Variants in KLF12 observed in about 807,000 individuals in gnomAD.
The protein encoded by KLF12 is Krueppel-like factor 12.
Under a neutral mutation model 37.8 loss-of-function variants are expected in KLF12, and 9 were observed. That is an observed-to-expected ratio of 0.24 (90% CI 0.14 to 0.42). The LOEUF (loss-of-function observed/expected upper bound fraction) is 0.42. KLF12 is among the 10% of genes least tolerant of loss of function. The pLI, the probability that KLF12 is intolerant of heterozygous loss-of-function variation, is 1.00. For synonymous variants in KLF12, 208 were observed against 202.1 expected (o/e 1.03, Z -0.25); for missense variants, 411 against 516.0 (o/e 0.80, Z 1.97).
At chr13:74,048,375 A>G (rs969092439) in intron 1 of KLF12, among the ~76,000 whole-genome samples, 32 of 152,262 alleles carry the variant, frequency 2.1e-4, no homozygotes, top group African/African-American at 6.3e-4. Flanking sequence ...TTCCAATAAG[A>G]CAACTATCAC....
At chr13:73,738,124 T>TATACAC (rs1305200790) in intron 6 of KLF12, among the ~76,000 whole-genome samples, 3 of 81,932 alleles carry the variant, frequency 3.7e-5, no homozygotes, top group African/African-American at 7.8e-5. Context: ...TATATATATA[T>TATACAC]ACACACACAC....
chr13:73,691,858 T>C lies in KLF12; in HGVS notation c.*3632A>G, dbSNP rs2137526248. On this transcript the variant is annotated 3_prime_UTR_variant, in exon 8 of 8. Coordinates refer to ENST00000377669, the MANE Select transcript of KLF12 (RefSeq NM_007249.5). The stretch of plus-strand genomic sequence containing the variant: ...AAAGTTAAAAAGAATTGTATAAAAA[T>C]GAACACAATCTTTGCATAAGCTATT... 6.5e-6 allele frequency: 1 copy of C among 152,694 alleles called. No individual in the cohort carries two copies. Among genetic ancestry groups the C allele is most frequent in the East Asian group, 1.9e-4 (1 of 5,174 alleles). 9.5% of individuals were successfully genotyped at this position (152,694 alleles called of 1,614,324 possible).
chr13:73,705,749 A>G (rs1874886010), intron 7 of KLF12, among the ~76,000 whole-genome samples: 2 of 152,218 alleles, frequency 1.3e-5, no homozygotes, highest in Non-Finnish European at 2.9e-5. Context: ...AAGTAGAAAG[A>G]CTGAAGATAT....
chr13:74,201,638 C>T, the KLF12 span, among the ~76,000 whole-genome samples: 1 of 152,122 alleles, frequency 6.6e-6, no homozygotes, highest in African/African-American at 2.4e-5. Context: ...GAACCTGCCT[C>T]TCATTCTACT....
At chr13:73,767,912 C>G (rs544323641) in intron 5 of KLF12, among the ~76,000 whole-genome samples, 1 of 152,310 alleles carries the variant, frequency 6.6e-6, no homozygotes, top group African/African-American at 2.4e-5. Context: ...GTGGCACCCC[C>G]TGGTGACTGG....
the KLF12 span, among the ~76,000 whole-genome samples, chr13:74,175,642 G>A: frequency 6.6e-6 from 1 of 152,176 alleles, no homozygotes; most frequent in Non-Finnish European, 1.5e-5. Context: ...TCCACTGGGA[G>A]GTGCATATCT....
At chr13:73,753,212 A>C (rs1260976390) in intron 6 of KLF12, among the ~76,000 whole-genome samples, 1 of 151,848 alleles carries the variant, frequency 6.6e-6, no homozygotes, top group African/African-American at 2.4e-5. Flanking sequence ...CTCTGAGCTG[A>C]GGTTGTTTCA....
At chr13:73,834,821 T>A (rs563068656) in intron 4 of KLF12, among the ~76,000 whole-genome samples, 37 of 152,324 alleles carry the variant, frequency 2.4e-4, no homozygotes, top group Middle Eastern at 6.8e-3. Context: ...CCATTTTAAT[T>A]TTATTTTCTC....
At chr13:73,709,094 C>T (rs1484580837) in intron 7 of KLF12, among the ~76,000 whole-genome samples, 1 of 152,132 alleles carries the variant, frequency 6.6e-6, no homozygotes, top group Non-Finnish European at 1.5e-5. Flanking sequence ...CTAAACTGTA[C>T]ACTCATGAAA....
rs548500655 is a variant in KLF12, at chr13:73,806,535, G to C, written c.806+6617C>G. 4.0e-5 allele frequency among the ~76,000 whole-genome samples: 6 copies of C among 151,408 alleles called. No homozygotes were observed. The East Asian group carries it at 7.8e-4, about 20-fold the overall frequency. ...TGCACCACAGCACCCAGCTGCTTTA[G>C]AGATTTTAAAGCCACAACATGAAAA... On this transcript the variant is annotated intron_variant, in intron 5 of 7. Transcript: ENST00000377669.
At chr13:73,907,636 T>A (rs1888365365) in intron 3 of KLF12, among the ~76,000 whole-genome samples, 1 of 152,214 alleles carries the variant, frequency 6.6e-6, no homozygotes, top group Non-Finnish European at 1.5e-5. Flanking sequence ...CCCAGAGTAG[T>A]TAAGTAACTT....
chr13:73,904,016 G>A (rs1275795093), intron 3 of KLF12, among the ~76,000 whole-genome samples: 1 of 152,166 alleles, frequency 6.6e-6, no homozygotes, highest in African/African-American at 2.4e-5. Context: ...TGCTGCACTA[G>A]TGAACATGAG....
chr13:74,140,046 TTAGAATTTTCC>T, the KLF12 span, among the ~76,000 whole-genome samples: 12 of 152,188 alleles, frequency 7.9e-5, no homozygotes, highest in Admixed American at 7.9e-4. Context: ...GCACGTAACA[TTAGAATTTTCC>T]CAAATTTTTG....
At chr13:74,230,957 C>T in the KLF12 span, among the ~76,000 whole-genome samples, 1 of 152,080 alleles carries the variant, frequency 6.6e-6, no homozygotes, top group Admixed American at 6.5e-5. Context: ...GTGTTAAATC[C>T]AAAGCTTAGT....
At chr13:74,018,116 C>A (rs1451142200) in intron 1 of KLF12, among the ~76,000 whole-genome samples, 1 of 149,898 alleles carries the variant, frequency 6.7e-6, no homozygotes, top group Non-Finnish European at 1.5e-5. Flanking sequence ...AAAATATACA[C>A]ACGATTCAGC....
the KLF12 span, among the ~76,000 whole-genome samples, chr13:74,152,809 G>A: frequency 7.3e-5 from 11 of 151,494 alleles, no homozygotes; most frequent in South Asian, 2.1e-4. Context: ...GCTTGAGCCC[G>A]GGGAGTCGAG....
intron 1 of KLF12, among the ~76,000 whole-genome samples, chr13:74,133,070 C>A (rs1593927417): frequency 6.6e-6 from 1 of 152,220 alleles, no homozygotes; most frequent in African/African-American, 2.4e-5. Flanking sequence ...TTGAAAATAA[C>A]AGCCACCGGC....
chr13:74,178,301 A>G, the KLF12 span, among the ~76,000 whole-genome samples: 2 of 152,246 alleles, frequency 1.3e-5, no homozygotes, highest in South Asian at 4.1e-4. Flanking sequence ...CCCCTGACGC[A>G]AAAATGACTA....
the KLF12 span, among the ~76,000 whole-genome samples, chr13:74,305,957 G>A: frequency 1.3e-5 from 2 of 152,018 alleles, no homozygotes; most frequent in African/African-American, 4.8e-5. Flanking sequence ...TTTAAGCAGG[G>A]GAAAAGGCTG....
Sources: gnomAD v4.1 joint callset for allele counts (sites outside exome capture counted in the v4.1 genomes callset) on GRCh38, gnomAD v4.1.1 for gene constraint, MANE v1.5 for transcripts, NCBI Gene and HGNC (gene_info 2026-07-23, HGNC 2026-07-21) for gene names.